RNF125: variants seen among roughly 807,000 people sequenced by gnomAD.
The protein encoded by RNF125 is ring finger protein 125.
In RNF125, 21 loss-of-function variants were observed where a neutral mutation model predicts 26.0. That is an observed-to-expected ratio of 0.81 (90% CI 0.57 to 1.16). RNF125 has a LOEUF of 1.16. Ranked by LOEUF, RNF125 falls within the 50% of genes most tolerant of loss-of-function variation. The pLI is 0.00. For synonymous variants in RNF125, 95 were observed against 109.2 expected (o/e 0.87, Z 0.81); for missense variants, 270 against 299.4 (o/e 0.90, Z 0.72).
At chr18:32,080,805 G>A in the RNF125 span, among the ~76,000 whole-genome samples, 1 of 152,240 alleles carries the variant, frequency 6.6e-6, no homozygotes, top group African/African-American at 2.4e-5. Flanking sequence ...GAACCCGGGA[G>A]GCGGAGCTTG....
Position 32,045,725 on chromosome 18 carries a change from G to A in RNF125, c.497G>A (p.Arg166Lys), listed in dbSNP as rs1598817340. The A allele has an allele frequency of 6.2e-7, 1 of 1,610,332 alleles. No individual in the cohort carries two copies. The highest frequency in any genetic ancestry group is 1.3e-5 in the African/African-American group (1 of 74,592). The stretch of plus-strand genomic sequence containing the variant: ...ATTACTCATCACAGATCGGAACGGA[G>A]GCCTGTGGTAAGGATTTTTGTTACA... The part of the protein sequence containing the change: ...HCITHHRSER[R>K]PVFCPLCRLI... Residue 166 changes from arginine to lysine, a missense_variant, in exon 4 of 6, where the codon AGG becomes AAG. Physicochemically the swap from Arg to Lys is conservative, Grantham distance 26. Transcript: ENST00000217740.
intron 1 of RNF125, among the ~76,000 whole-genome samples, chr18:32,024,767 C>G (rs1157579076): frequency 3.9e-5 from 6 of 152,148 alleles, no homozygotes; most frequent in Non-Finnish European, 8.8e-5. Context: ...GCCACCACAC[C>G]CAGCCAACTA....
At chr18:32,089,709 CTAT>C in the RNF125 span, among the ~76,000 whole-genome samples, 1 of 152,076 alleles carries the variant, frequency 6.6e-6, no homozygotes, top group African/African-American at 2.4e-5. Flanking sequence ...ATATTGCCAG[CTAT>C]ATGCTTACGT....
chr18:32,084,002 A>G, the RNF125 span, among the ~76,000 whole-genome samples: 1 of 152,056 alleles, frequency 6.6e-6, no homozygotes, highest in Non-Finnish European at 1.5e-5. Context: ...GGGAGAGAAG[A>G]GCGAGAGAGA....
chr18:32,051,664 A>AGG (rs1244905882), intron 4 of RNF125, among the ~76,000 whole-genome samples: 1 of 145,440 alleles, frequency 6.9e-6, no homozygotes, highest in African/African-American at 2.5e-5. Context: ...ACCCTGATTC[A>AGG]GGGGTTCCAG....
intron 4 of RNF125, among the ~76,000 whole-genome samples, chr18:32,052,802 A>T (rs2039341776): frequency 1.3e-5 from 2 of 152,166 alleles, no homozygotes; most frequent in South Asian, 4.1e-4. Context: ...GCTCTTTTAC[A>T]CTTGTACTCC....
the RNF125 span, among the ~76,000 whole-genome samples, chr18:32,088,718 A>G: frequency 3.3e-5 from 5 of 152,076 alleles, no homozygotes; most frequent in Admixed American, 3.3e-4. Flanking sequence ...CAGGCTGGTC[A>G]CGAACTCCTG....
At chr18:32,080,678 A>G in the RNF125 span, among the ~76,000 whole-genome samples, 1 of 152,016 alleles carries the variant, frequency 6.6e-6, no homozygotes, top group African/African-American at 2.4e-5. Flanking sequence ...GACTATAGAT[A>G]ACGCTACTGT....
intron 4 of RNF125, among the ~76,000 whole-genome samples, chr18:32,053,408 A>G (rs61628852): frequency 0.091 from 13,886 of 151,950 alleles, 2,079 homozygotes; most frequent in African/African-American, 0.31. Flanking sequence ...CACAGTGAGG[A>G]CTGTCAGACC....
At chr18:32,040,274 T>TTC (rs1295939161) in intron 2 of RNF125, among the ~76,000 whole-genome samples, 1 of 143,784 alleles carries the variant, frequency 7.0e-6, no homozygotes, top group Non-Finnish European at 1.5e-5. Context: ...TCTTTCTTTT[T>TTC]TTTTTTTTTT....
At chr18:32,049,664 T>C (rs2039305347) in intron 4 of RNF125, among the ~76,000 whole-genome samples, 1 of 152,070 alleles carries the variant, frequency 6.6e-6, no homozygotes, top group Non-Finnish European at 1.5e-5. Context: ...CAGGATGCTA[T>C]CATGGCCTTG....
In RNF125 at chr18:32,018,916, C is replaced by T. The variant is rs1315580473; in HGVS notation, c.53C>T (p.Thr18Ile). ...DSGKSAPASATARALERRRDP... is the reference protein window; with the variant it reads ...DSGKSAPASAIARALERRRDP... Reference sequence around the variant, plus strand: ...GGCAAATCGGCGCCCGCCTCTGCCACCGCGCGGGCCCTGGAGCGCAGGAGG... The same window carrying T: ...GGCAAATCGGCGCCCGCCTCTGCCATCGCGCGGGCCCTGGAGCGCAGGAGG... Residue 18 changes from threonine (T) to isoleucine (I), a missense_variant, in exon 1 of 6, where the codon ACC becomes ATC. Transcript: ENST00000217740. 6.2e-7 allele frequency: 1 copy of T among 1,609,032 alleles called. No homozygotes were observed. Among genetic ancestry groups the T allele is most frequent in the South Asian group, 1.1e-5 (1 of 90,318 alleles).
At chr18:32,054,081 T>G in intron 4 of RNF125, among the ~76,000 whole-genome samples, 1 of 150,082 alleles carries the variant, frequency 6.7e-6, no homozygotes, top group Non-Finnish European at 1.5e-5. Context: ...GTGAAGACAT[T>G]TGTACTTTTT....
chr18:32,077,664 A>G (rs1352053003), downstream of RNF125, among the ~76,000 whole-genome samples: 1 of 151,996 alleles, frequency 6.6e-6, no homozygotes, highest in Non-Finnish European at 1.5e-5. Flanking sequence ...CCGGGCCGTA[A>G]AACCCCATTT....
intron 4 of RNF125, among the ~76,000 whole-genome samples, chr18:32,057,886 C>CT (rs2039400490): frequency 6.6e-6 from 1 of 152,084 alleles, no homozygotes; most frequent in African/African-American, 2.4e-5. Context: ...GAGCTAGGGC[C>CT]TGAAAATTTG....
At chr18:32,056,819 A>C (rs1255011622) in intron 4 of RNF125, among the ~76,000 whole-genome samples, 1 of 152,198 alleles carries the variant, frequency 6.6e-6, no homozygotes, top group Non-Finnish European at 1.5e-5. Flanking sequence ...TTATGCCAAC[A>C]ATGATTTTTT....
downstream of RNF125, among the ~76,000 whole-genome samples, chr18:32,077,723 C>T (rs1200505030): frequency 6.6e-6 from 1 of 151,950 alleles, no homozygotes; most frequent in South Asian, 2.1e-4. Flanking sequence ...AAGACATTAA[C>T]TTGACCACTC....
At chr18:32,086,199 T>C in the RNF125 span, among the ~76,000 whole-genome samples, 1 of 151,370 alleles carries the variant, frequency 6.6e-6, no homozygotes, top group Non-Finnish European at 1.5e-5. Flanking sequence ...AAGAAACATC[T>C]AGATGGGGGA....
intron 4 of RNF125, among the ~76,000 whole-genome samples, chr18:32,060,556 A>G (rs182978342): frequency 3.4e-4 from 52 of 152,346 alleles, no homozygotes; most frequent in African/African-American, 1.1e-3. Context: ...GGCTCTTAAT[A>G]TAAGTAGTAT....
Sources: allele counts gnomAD v4.1 joint callset (sites outside exome capture counted in the v4.1 genomes callset), GRCh38; gene constraint gnomAD v4.1.1; transcripts MANE v1.5; gene names NCBI Gene and HGNC (gene_info 2026-07-23, HGNC 2026-07-21).